Variants in NCAM2 observed in about 807,000 individuals in gnomAD.
NCAM2 encodes neural cell adhesion molecule 2.
A neutral mutation model predicts 98.1 loss-of-function variants in NCAM2; 30 were observed. The observed-to-expected ratio is 0.31, with a 90% CI of 0.23 to 0.41. NCAM2 has a LOEUF of 0.41. Among genes scored for constraint, NCAM2 ranks in the 10% least tolerant of loss-of-function variants. The pLI is 1.00. For missense variants in NCAM2, 867 were observed against 1,005.8 expected (o/e 0.86, Z 1.87); for synonymous variants, 368 against 342.4 (o/e 1.07, Z -0.83).
chr21:21,389,077 C>A (rs374687441), intron 9 of NCAM2, among the ~76,000 whole-genome samples: 1 of 152,218 alleles, frequency 6.6e-6, no homozygotes, highest in South Asian at 2.1e-4. Context: ...GAGAACTGTA[C>A]GAGTCTGTTC....
At chr21:21,378,420 A>T (rs887559680) in intron 9 of NCAM2, among the ~76,000 whole-genome samples, 2 of 152,022 alleles carry the variant, frequency 1.3e-5, no homozygotes, top group Non-Finnish European at 2.9e-5. Flanking sequence ...TCCCCTAATG[A>T]TTAGTGATGC....
At chr21:21,289,121 G>A (rs1055338432) in intron 4 of NCAM2, among the ~76,000 whole-genome samples, 2 of 151,608 alleles carry the variant, frequency 1.3e-5, no homozygotes, top group African/African-American at 4.8e-5. Flanking sequence ...AAATGCTTTG[G>A]CCAACACCTA....
chr21:21,140,797 C>T (rs931552297), intron 1 of NCAM2, among the ~76,000 whole-genome samples: 1 of 152,020 alleles, frequency 6.6e-6, no homozygotes, highest in Non-Finnish European at 1.5e-5. Flanking sequence ...TGCTACTTTT[C>T]AAAAATGAAC....
Position 21,499,386 on chromosome 21 carries a change from C to T in NCAM2, c.2078-9465C>T, listed in dbSNP as rs534593192. On this transcript the variant is annotated intron_variant, in intron 15 of 17. Transcript: ENST00000400546. ...CCTCCCAAGTAGCTGGGACTACAGG[C>T]GCGTGCCACCACGCCCAGTTAATTT... Among the ~76,000 whole-genome samples, 8 of 152,120 alleles carry T rather than the reference C, an allele frequency of 5.3e-5. 1 individual carries two copies. Among genetic ancestry groups the T allele is most frequent in the Middle Eastern group, 6.8e-3 (2 of 294 alleles).
intron 6 of NCAM2, among the ~76,000 whole-genome samples, chr21:21,332,055 A>C (rs1490392435): frequency 6.6e-6 from 1 of 151,286 alleles, no homozygotes; most frequent in Non-Finnish European, 1.5e-5. Flanking sequence ...GGCGCCCACC[A>C]CCACGCCCAG....
chr21:21,183,880 C>A (rs1376589220), intron 1 of NCAM2, among the ~76,000 whole-genome samples: 1 of 151,916 alleles, frequency 6.6e-6, no homozygotes, highest in Non-Finnish European at 1.5e-5. Flanking sequence ...AAAGAAAAAC[C>A]GACCAACTTC....
chr21:21,373,604 T>C (rs1409454785), intron 8 of NCAM2, among the ~76,000 whole-genome samples: 2 of 151,740 alleles, frequency 1.3e-5, no homozygotes, highest in Non-Finnish European at 2.9e-5. Context: ...GATTGGGTTT[T>C]GTTTGGAGTC....
intron 11 of NCAM2, among the ~76,000 whole-genome samples, chr21:21,426,146 A>T (rs951029187): frequency 2.0e-5 from 3 of 152,008 alleles, no homozygotes; most frequent in Non-Finnish European, 2.9e-5. Flanking sequence ...ATCCCAAAAG[A>T]CCCCACCTCT....
intron 1 of NCAM2, among the ~76,000 whole-genome samples, chr21:21,043,749 G>A (rs1486902570): frequency 1.3e-5 from 2 of 150,722 alleles, no homozygotes; most frequent in African/African-American, 4.9e-5. Flanking sequence ...CAGCTACTCG[G>A]TAGGCGTGAC....
At chr21:21,356,569 A>G (rs1360831882) in intron 8 of NCAM2, among the ~76,000 whole-genome samples, 1 of 152,046 alleles carries the variant, frequency 6.6e-6, no homozygotes, top group Non-Finnish European at 1.5e-5. Context: ...TGACTTAATC[A>G]GTCATAGTAA....
intron 1 of NCAM2, among the ~76,000 whole-genome samples, chr21:21,013,949 A>G (rs559926046): frequency 2.0e-5 from 3 of 152,354 alleles, no homozygotes; most frequent in South Asian, 2.1e-4. Flanking sequence ...GGACTACACT[A>G]AACAACAGAA....
At chr21:21,323,411 G>A (rs1184230950) in intron 5 of NCAM2, among the ~76,000 whole-genome samples, 1 of 152,040 alleles carries the variant, frequency 6.6e-6, no homozygotes, top group Admixed American at 6.6e-5. Context: ...TGGCATCAAC[G>A]CTGACCTGAA....
intron 15 of NCAM2, among the ~76,000 whole-genome samples, chr21:21,486,416 T>A (rs1004802055): frequency 2.6e-4 from 40 of 151,910 alleles, no homozygotes; most frequent in Non-Finnish European, 4.4e-4. Flanking sequence ...ATAGGGCAAG[T>A]TTTGTTTTTA....
chr21:21,213,623 C>T (rs1304014029), intron 1 of NCAM2, among the ~76,000 whole-genome samples: 1 of 152,164 alleles, frequency 6.6e-6, no homozygotes. Context: ...TACTGTTCTT[C>T]TGTCTACAGT....
intron 9 of NCAM2, among the ~76,000 whole-genome samples, chr21:21,386,657 G>A (rs2076277108): frequency 6.6e-6 from 1 of 152,136 alleles, no homozygotes; most frequent in African/African-American, 2.4e-5. Context: ...TTCTTCATGT[G>A]TATAGATACT....
At chr21:21,093,064 G>A (rs2066046506) in intron 1 of NCAM2, among the ~76,000 whole-genome samples, 1 of 151,892 alleles carries the variant, frequency 6.6e-6, no homozygotes, top group African/African-American at 2.4e-5. Flanking sequence ...ATAGGGATCA[G>A]AGGAAGATCA....
At chr21:21,132,241 C>G (rs1464906972) in intron 1 of NCAM2, among the ~76,000 whole-genome samples, 1 of 152,058 alleles carries the variant, frequency 6.6e-6, no homozygotes, top group Non-Finnish European at 1.5e-5. Flanking sequence ...CTCTTTCTCT[C>G]TGACTTCTGC....
intron 1 of NCAM2, among the ~76,000 whole-genome samples, chr21:21,116,398 A>C (rs1484290732): frequency 6.6e-6 from 1 of 152,198 alleles, no homozygotes. Flanking sequence ...AGAGTTAAAT[A>C]TATATGTAGC....
intron 1 of NCAM2, among the ~76,000 whole-genome samples, chr21:21,032,718 A>G (rs1022047038): frequency 1.3e-5 from 2 of 152,176 alleles, no homozygotes; most frequent in Non-Finnish European, 2.9e-5. Context: ...ATACCAATTT[A>G]CTCAAACAAT....
Sources: allele counts gnomAD v4.1 joint callset (sites outside exome capture counted in the v4.1 genomes callset), GRCh38; gene constraint gnomAD v4.1.1; transcripts MANE v1.5; gene names NCBI Gene and HGNC (gene_info 2026-07-23, HGNC 2026-07-21).